KCND3: variants seen among roughly 807,000 people sequenced by gnomAD.
KCND3 encodes the protein A-type voltage-gated potassium channel KCND3.
In KCND3, 9 loss-of-function variants were observed where a neutral mutation model predicts 51.1. That is an observed-to-expected ratio of 0.18 (90% confidence interval 0.11 to 0.31). KCND3 has a LOEUF of 0.31. KCND3 is among the 10% of genes least tolerant of loss of function. KCND3 has a pLI of 1.00. For synonymous variants in KCND3, 349 were observed against 368.0 expected (o/e 0.95, Z 0.59); for missense variants, 526 against 903.8 (o/e 0.58, Z 5.36).
At chr1:111,923,447 C>G (rs900832674) in intron 2 of KCND3, among the ~76,000 whole-genome samples, 4 of 152,190 alleles carry the variant, frequency 2.6e-5, no homozygotes, top group African/African-American at 9.7e-5. Flanking sequence ...GTGACTTCCT[C>G]TGGTTCTCCA....
intron 2 of KCND3, among the ~76,000 whole-genome samples, chr1:111,795,194 C>T (rs1013543483): frequency 2.0e-5 from 3 of 152,184 alleles, no homozygotes; most frequent in African/African-American, 7.2e-5. Flanking sequence ...GCACCCCCTA[C>T]CCCCAACACA....
chr1:111,850,765 A>G (rs554604276), intron 2 of KCND3, among the ~76,000 whole-genome samples: 1 of 151,842 alleles, frequency 6.6e-6, no homozygotes, highest in East Asian at 1.9e-4. Flanking sequence ...GGACTGGGAG[A>G]GTGACCAGTG....
chr1:111,841,406 T>G (rs557383368), intron 2 of KCND3, among the ~76,000 whole-genome samples: 1 of 151,284 alleles, frequency 6.6e-6, no homozygotes, highest in East Asian at 2.0e-4. Flanking sequence ...TTGACCACTC[T>G]CTCTTTCTCA....
intron 2 of KCND3, among the ~76,000 whole-genome samples, chr1:111,869,645 T>C (rs1325664295): frequency 1.3e-5 from 2 of 152,254 alleles, no homozygotes; most frequent in Non-Finnish European, 2.9e-5. Context: ...TGCCAGACCC[T>C]GTGCTAGTCA....
At chr1:111,885,965 C>T (rs1352273361) in intron 2 of KCND3, among the ~76,000 whole-genome samples, 1 of 152,168 alleles carries the variant, frequency 6.6e-6, no homozygotes, top group Non-Finnish European at 1.5e-5. Context: ...GCCACCGTAC[C>T]CAGCTGCATG....
At chr1:111,977,191 C>A (rs1029434462) in intron 2 of KCND3, among the ~76,000 whole-genome samples, 4 of 152,194 alleles carry the variant, frequency 2.6e-5, no homozygotes, top group Admixed American at 2.0e-4. Flanking sequence ...CACTGATGGG[C>A]TCCGGAGGCA....
intron 6 of KCND3, among the ~76,000 whole-genome samples, chr1:111,777,640 G>A (rs1557931095): frequency 6.6e-6 from 1 of 152,204 alleles, no homozygotes; most frequent in Non-Finnish European, 1.5e-5. Flanking sequence ...TACAAGATCT[G>A]CCAGAGGTGG....
intron 2 of KCND3, among the ~76,000 whole-genome samples, chr1:111,838,869 C>T (rs1571719921): frequency 1.3e-5 from 2 of 152,232 alleles, no homozygotes; most frequent in South Asian, 2.1e-4. Flanking sequence ...CTGTATTTTA[C>T]TCACAATGTG....
intron 2 of KCND3, among the ~76,000 whole-genome samples, chr1:111,832,364 T>A (rs1666873198): frequency 6.6e-6 from 1 of 152,180 alleles, no homozygotes; most frequent in Non-Finnish European, 1.5e-5. Flanking sequence ...TCTTCTTTTG[T>A]TCTTTTTCTG....
chr1:111,798,563 T>C (rs896361825), intron 2 of KCND3, among the ~76,000 whole-genome samples: 2 of 151,922 alleles, frequency 1.3e-5, no homozygotes, highest in African/African-American at 2.4e-5. Context: ...AGGGACTCAA[T>C]TGTTCATGAG....
intron 2 of KCND3, among the ~76,000 whole-genome samples, chr1:111,931,701 C>T (rs934587488): frequency 5.3e-5 from 8 of 152,210 alleles, no homozygotes; most frequent in Non-Finnish European, 7.3e-5. Flanking sequence ...AGGGCAGCAT[C>T]GGCATAGTGC....
At chr1:111,836,368 C>G (rs1667065440) in intron 2 of KCND3, among the ~76,000 whole-genome samples, 1 of 152,198 alleles carries the variant, frequency 6.6e-6, no homozygotes, top group Admixed American at 6.5e-5. Context: ...CGATCGCACT[C>G]CCTCCCAGTA....
chr1:111,914,609 A>T (rs543321107), intron 2 of KCND3, among the ~76,000 whole-genome samples: 16 of 152,354 alleles, frequency 1.1e-4, no homozygotes, highest in African/African-American at 3.6e-4. Context: ...CCAGAAGACA[A>T]CAATGGCCTT....
intron 6 of KCND3, 118 bp downstream of exon 6, chr1:111,778,318 G>C (rs375807157): frequency 2.1e-6 from 2 of 938,796 alleles, no homozygotes; most frequent in South Asian, 1.3e-5. Context: ...GGTAGGAGGA[G>C]CCCCAGAAGA....
intron 2 of KCND3, among the ~76,000 whole-genome samples, chr1:111,980,788 C>T (rs1421147806): frequency 6.6e-6 from 1 of 152,158 alleles, no homozygotes; most frequent in Non-Finnish European, 1.5e-5. Flanking sequence ...GCTTCACATC[C>T]CAGCATCATG....
At chr1:111,835,907 C>A (rs1667045078) in intron 2 of KCND3, among the ~76,000 whole-genome samples, 1 of 152,198 alleles carries the variant, frequency 6.6e-6, no homozygotes. Context: ...ACCTCAAATT[C>A]TTTCTCGTGT....
intron 2 of KCND3, among the ~76,000 whole-genome samples, chr1:111,950,578 G>A (rs1364503256): frequency 2.0e-5 from 3 of 152,206 alleles, no homozygotes; most frequent in Non-Finnish European, 2.9e-5. Flanking sequence ...GCACAGGAAT[G>A]CAAAATAAGA....
intron 2 of KCND3, among the ~76,000 whole-genome samples, chr1:111,898,470 T>A (rs1670228675): frequency 6.6e-6 from 1 of 152,196 alleles, no homozygotes; most frequent in Non-Finnish European, 1.5e-5. Flanking sequence ...CAATTGGTGG[T>A]GCACGTGGCC....
intron 2 of KCND3, among the ~76,000 whole-genome samples, chr1:111,809,650 CGTGTGTGTGT>C (rs10591522): frequency 2.7e-5 from 4 of 149,846 alleles, no homozygotes; most frequent in African/African-American, 9.8e-5. Context: ...TCACATTTCC[CGTGTGTGTGT>C]GTGTGTGTGT....
Sources: gnomAD v4.1 joint callset for allele counts (sites outside exome capture counted in the v4.1 genomes callset) on GRCh38, gnomAD v4.1.1 for gene constraint, MANE v1.5 for transcripts, NCBI Gene and HGNC (gene_info 2026-07-23, HGNC 2026-07-21) for gene names.